Variants in CCDC125 observed in about 807,000 individuals in gnomAD.
CCDC125 encodes the protein coiled-coil domain-containing protein 125.
A neutral mutation model predicts 57.4 loss-of-function variants in CCDC125; 43 were observed. That is an observed-to-expected ratio of 0.75 (90% CI 0.59 to 0.97). CCDC125 has a LOEUF of 0.97. Ranked by LOEUF, CCDC125 falls within the 50% of genes least tolerant of loss-of-function variation. CCDC125 has a pLI of 0.00. For synonymous variants in CCDC125, 187 were observed against 195.2 expected, an observed-to-expected ratio of 0.96 and a Z score of 0.35; for missense variants, 563 against 595.7, an observed-to-expected ratio of 0.95 and a Z score of 0.57.
At chr5:69,327,601 C>G (rs748254551) in intron 1 of CCDC125, among the ~76,000 whole-genome samples, 4 of 152,172 alleles carry the variant, frequency 2.6e-5, no homozygotes, top group Non-Finnish European at 5.9e-5. Context: ...GGTCTGGGTT[C>G]AAATCTCACT....
chr5:69,332,387 T>C (rs1761525966), intron 1 of CCDC125, among the ~76,000 whole-genome samples: 1 of 152,222 alleles, frequency 6.6e-6, no homozygotes, highest in African/African-American at 2.4e-5. Flanking sequence ...TCTTTTTCTG[T>C]TTCAGGATCC....
At chr5:69,314,235 C>T (rs1394462664) in intron 2 of CCDC125, among the ~76,000 whole-genome samples, 189 bp from the exon 3 acceptor site, 1 of 152,056 alleles carries the variant, frequency 6.6e-6, no homozygotes, top group Non-Finnish European at 1.5e-5. Context: ...GAGGCCGAGG[C>T]GGGCAGATCA....
chr5:69,283,220 C>CTTT (rs1219833408), intron 11 of CCDC125, among the ~76,000 whole-genome samples, 186 bp from the exon 12 acceptor site: 9 of 136,630 alleles, frequency 6.6e-5, no homozygotes, highest in Non-Finnish European at 6.3e-5. Flanking sequence ...ATTCATGAAT[C>CTTT]TTTTTTTTTT....
intron 10 of CCDC125, among the ~76,000 whole-genome samples, chr5:69,288,940 G>C (rs567121727): frequency 6.6e-6 from 1 of 152,286 alleles, no homozygotes; most frequent in African/African-American, 2.4e-5. Flanking sequence ...AAAACACTTT[G>C]GTTTCCCCTG....
chr5:69,280,619 T>C lies in CCDC125; in HGVS notation c.*2110A>G, dbSNP rs1352129401. 6.6e-6 allele frequency: 1 copy of C among 152,262 alleles called. No homozygotes were observed. The highest frequency in any genetic ancestry group is 1.5e-5 in the Non-Finnish European group (1 of 68,044). The allele number at this position is 152,262 out of a possible 1,614,324, so 9.4% of individuals were successfully genotyped here. ...ACTCCTTTTCTTTTGCAATAAATTA[T>C]GCTGCATCTCCTTTGCTGTCTCATT... On this transcript the variant is annotated 3_prime_UTR_variant, in exon 12 of 12. Transcript: ENST00000396496.
intron 1 of CCDC125, among the ~76,000 whole-genome samples, chr5:69,330,612 T>C (rs1248232336): frequency 1.3e-5 from 2 of 151,358 alleles, no homozygotes; most frequent in African/African-American, 4.9e-5. Flanking sequence ...AAATTCACTA[T>C]CCTCCCAGCC....
At chr5:69,329,376 C>T (rs899659385) in intron 1 of CCDC125, among the ~76,000 whole-genome samples, 3 of 151,424 alleles carry the variant, frequency 2.0e-5, no homozygotes, top group African/African-American at 4.9e-5. Flanking sequence ...TTTGTAGAGA[C>T]GAGGTCTCCT....
chr5:69,319,622 C>T (rs946720169), intron 2 of CCDC125, among the ~76,000 whole-genome samples: 4 of 151,628 alleles, frequency 2.6e-5, no homozygotes, highest in African/African-American at 7.3e-5. Context: ...GCTGGGACTA[C>T]AGGAACCTGC....
Position 69,328,135 on chromosome 5 carries a change from A to T in CCDC125, c.-41+4514T>A, listed in dbSNP as rs1378825481. 2.0e-5 allele frequency among the ~76,000 whole-genome samples: 3 copies of T among 152,170 alleles called. No individual in the cohort carries two copies. The East Asian group carries it at 5.8e-4, about 29-fold the overall frequency. ...AGTCTCAAACTCCTGACCTCAGGCC[A>T]TCCGCTCACCTCTGTCTGCCAAAGT... is the stretch of plus-strand genomic sequence containing the variant. On this transcript the variant is annotated intron_variant, in intron 1 of 11. Coordinates refer to ENST00000396496, the MANE Select transcript of CCDC125 (RefSeq NM_176816.5).
At chr5:69,323,580 G>A (rs761853596) in intron 1 of CCDC125, among the ~76,000 whole-genome samples, 4 of 151,888 alleles carry the variant, frequency 2.6e-5, no homozygotes, top group South Asian at 2.1e-4. Flanking sequence ...TGGAACTCAC[G>A]GAGCTCCTAT....
chr5:69,324,968 G>A (rs932177281), intron 1 of CCDC125, among the ~76,000 whole-genome samples: 1 of 152,178 alleles, frequency 6.6e-6, no homozygotes, highest in African/African-American at 2.4e-5. Context: ...ACCACAAAGG[G>A]CATGAGGGAA....
intron 8 of CCDC125, among the ~76,000 whole-genome samples, chr5:69,295,619 G>C (rs180915648): frequency 6.6e-6 from 1 of 152,138 alleles, no homozygotes; most frequent in African/African-American, 2.4e-5. Flanking sequence ...CTCCGTTACA[G>C]ATTAGCTGTC....
At chr5:69,317,726 C>T (rs1759349706) in intron 2 of CCDC125, among the ~76,000 whole-genome samples, 1 of 152,088 alleles carries the variant, frequency 6.6e-6, no homozygotes, top group African/African-American at 2.4e-5. Flanking sequence ...TTATTATTTC[C>T]ATAAGGTAAG....
chr5:69,306,394 T>C (rs1402679720), intron 6 of CCDC125, among the ~76,000 whole-genome samples: 1 of 152,198 alleles, frequency 6.6e-6, no homozygotes, highest in Non-Finnish European at 1.5e-5. Flanking sequence ...AGTGGCGCAA[T>C]CATGGCTCAC....
At chr5:69,297,935 T>G (rs1011044876) in intron 8 of CCDC125, among the ~76,000 whole-genome samples, 1 of 151,530 alleles carries the variant, frequency 6.6e-6, no homozygotes, top group Non-Finnish European at 1.5e-5. Flanking sequence ...ATTGTGCCAC[T>G]GTACTCCAGC....
Position 69,330,125 on chromosome 5 carries a change from C to G in CCDC125, c.-41+2524G>C, listed in dbSNP as rs188053408. Among the ~76,000 whole-genome samples, 11 of 152,306 alleles carry G rather than the reference C, an allele frequency of 7.2e-5. No homozygotes were observed. The East Asian group carries it at 1.7e-3, about 24-fold the overall frequency. ...GTCCAGGTCCACCTGACTCCTGAAG[C>G]CCCTAGAAATAGAAATCTGATCCTC... On this transcript the variant is annotated intron_variant, in intron 1 of 11. Transcript: ENST00000396496.
chr5:69,315,927 CAGT>C (rs1759022801), intron 2 of CCDC125, among the ~76,000 whole-genome samples: 1 of 53,232 alleles, frequency 1.9e-5, no homozygotes, highest in Admixed American at 2.9e-4. Context: ...GCCTCAACGG[CAGT>C]AAAAAAAAAA....
chr5:69,285,257 G>A (rs1182947959), intron 11 of CCDC125, 80 bp downstream of exon 11: 2 of 1,453,686 alleles, frequency 1.4e-6, no homozygotes, highest in Non-Finnish European at 1.9e-6. Flanking sequence ...AAGCTGTTCT[G>A]GGCTGCATGC....
Position 69,294,793 on chromosome 5 carries a change from CT to C in CCDC125, c.923del (p.Glu308GlyfsTer14), listed in dbSNP as rs1755050189. Reference sequence around the variant, plus strand: ...TTTTGCTGTTGTGATAACGCAATACCTCTTGTTTGAGCTGAAGAAGCAGTTT... The same window carrying C: ...TTTTGCTGTTGTGATAACGCAATACCCTTGTTTGAGCTGAAGAAGCAGTTT... Reference protein sequence around the residue: ...TRKLLLQLKQELEILQKSKEE... With the variant: ...TRKLLLQLKQXLEILQKSKEE... On this transcript the variant is annotated frameshift_variant and splice_region_variant, in exon 9 of 12. Coordinates refer to ENST00000396496, the MANE Select transcript of CCDC125 (RefSeq NM_176816.5). LOFTEE classifies it high-confidence loss of function. 1 of 1,609,650 alleles carries C rather than the reference CT, an allele frequency of 6.2e-7. No homozygotes were observed. The highest frequency in any genetic ancestry group is 1.3e-5 in the African/African-American group (1 of 74,810).
Sources: allele counts gnomAD v4.1 joint callset (sites outside exome capture counted in the v4.1 genomes callset), GRCh38; gene constraint gnomAD v4.1.1; transcripts MANE v1.5; gene names NCBI Gene and HGNC (gene_info 2026-07-23, HGNC 2026-07-21).